The following ROBO2 variants were observed in gnomAD, a reference collection of about 807,000 sequenced individuals.
ROBO2 encodes roundabout guidance receptor 2.
A neutral mutation model predicts 160.8 loss-of-function variants in ROBO2; 53 were observed. That is an observed-to-expected ratio of 0.33 (90% CI 0.26 to 0.41). The LOEUF is 0.41. Among genes scored for constraint, ROBO2 ranks in the 10% least tolerant of loss-of-function variants. The pLI is 1.00. For missense variants in ROBO2, 1,577 were observed against 1,722.4 expected (o/e 0.92, Z 1.49); for synonymous variants, 664 against 611.7 (o/e 1.09, Z -1.26).
chr3:76,379,068 G>A (rs1266568605), intron 2 of ROBO2, among the ~76,000 whole-genome samples: 1 of 152,082 alleles, frequency 6.6e-6, no homozygotes, highest in Non-Finnish European at 1.5e-5. Context: ...GGAGGGTGGT[G>A]GGGACAGAAA....
intron 2 of ROBO2, among the ~76,000 whole-genome samples, chr3:77,436,637 T>G (rs1187590969): frequency 6.6e-6 from 1 of 151,802 alleles, no homozygotes; most frequent in Non-Finnish European, 1.5e-5. Flanking sequence ...TCTGAGTTGA[T>G]GTAAAAAGAA....
chr3:77,269,771 G>A (rs1048266672), intron 2 of ROBO2, among the ~76,000 whole-genome samples: 1 of 152,132 alleles, frequency 6.6e-6, no homozygotes, highest in African/African-American at 2.4e-5. Flanking sequence ...CTAATATTCT[G>A]CTTACCATGT....
rs146310346 is a variant in ROBO2 at position 77,400,007 on chromosome 3, T to C, written c.389-77407T>C. Among the ~76,000 whole-genome samples the C allele has an allele frequency of 3.1e-3, 465 of 152,126 alleles. 5 individuals are homozygous for C. The highest frequency in any genetic ancestry group is 0.01 in the African/African-American group (430 of 41,506). ...GAGGTATTTTGCTGTGAGTGGATTG[T>C]ATAGGAAAAGGGTTTGTGTGGCCAG... is the stretch of plus-strand genomic sequence containing the variant. On this transcript the variant is annotated intron_variant, in intron 2 of 25. Coordinates refer to ENST00000461745, the Ensembl canonical transcript of ROBO2.
At chr3:76,139,684 A>G (rs4274760) in intron 2 of ROBO2, among the ~76,000 whole-genome samples, 41,723 of 151,944 alleles carry the variant, frequency 0.27, 6,255 homozygotes, top group Non-Finnish European at 0.34. Context: ...AGCAGTTATA[A>G]AACCTTTAGA....
At chr3:76,256,243 AG>A (rs1304390049) in intron 2 of ROBO2, among the ~76,000 whole-genome samples, 8 of 149,290 alleles carry the variant, frequency 5.4e-5, no homozygotes, top group African/African-American at 2.0e-4. Flanking sequence ...TCAGGAAGTC[AG>A]GGATGCAGTG....
chr3:77,214,637 T>A (rs555417033), intron 2 of ROBO2, among the ~76,000 whole-genome samples: 1 of 152,222 alleles, frequency 6.6e-6, no homozygotes, highest in African/African-American at 2.4e-5. Context: ...GTTAGCTGGT[T>A]ATTTTGCTCA....
chr3:76,403,415 G>T (rs760751533), intron 2 of ROBO2, among the ~76,000 whole-genome samples: 1 of 151,462 alleles, frequency 6.6e-6, no homozygotes, highest in Non-Finnish European at 1.5e-5. Context: ...ACCAAGAGAG[G>T]CATTCATTCT....
At chr3:77,093,189 G>A (rs1559990338) in intron 1 of ROBO2, among the ~76,000 whole-genome samples, 1 of 152,132 alleles carries the variant, frequency 6.6e-6, no homozygotes, top group Non-Finnish European at 1.5e-5. Flanking sequence ...TTGTTAAAAC[G>A]CAGATTCAGA....
At chr3:77,617,992 T>G (rs1170363468) in intron 22 of ROBO2, 1 of 563,124 alleles carries the variant, frequency 1.8e-6, no homozygotes, top group East Asian at 3.1e-5. Context: ...ACTGGAGCTG[T>G]AACTGTAACT....
chr3:76,104,586 CA>C (rs2069841371), intron 2 of ROBO2, among the ~76,000 whole-genome samples: 1 of 152,176 alleles, frequency 6.6e-6, no homozygotes, highest in African/African-American at 2.4e-5. Flanking sequence ...GAATTCCAAT[CA>C]ACATCTTTCA....
rs548817933 is a variant in ROBO2, at chr3:76,147,405, A to T, written c.109+209803A>T. On this transcript the variant is annotated intron_variant, in intron 2 of 26. Transcript: ENST00000487694. ...TTATCTTATTAATTTTAATAAGTAA[A>T]GGGTGTGTGTGCATACGCATATTTT... Among the ~76,000 whole-genome samples, 5 of 151,948 alleles carry T rather than the reference A, an allele frequency of 3.3e-5. No homozygotes were observed. The South Asian group carries it at 6.2e-4, about 19-fold the overall frequency.
chr3:76,004,020 C>G (rs1018142868), intron 2 of ROBO2, among the ~76,000 whole-genome samples: 70 of 152,080 alleles, frequency 4.6e-4, no homozygotes, highest in African/African-American at 1.6e-3. Flanking sequence ...AAATATAAAT[C>G]TATCATATGA....
At chr3:77,053,673 C>T (rs2149708878) in intron 1 of ROBO2, among the ~76,000 whole-genome samples, 1 of 152,272 alleles carries the variant, frequency 6.6e-6, no homozygotes, top group Middle Eastern at 3.4e-3. Context: ...AGAACCTCCC[C>T]TCCCTGTCCC....
chr3:77,244,300 G>T (rs1580327019), intron 2 of ROBO2, among the ~76,000 whole-genome samples: 1 of 152,182 alleles, frequency 6.6e-6, no homozygotes, highest in African/African-American at 2.4e-5. Context: ...GACACATATT[G>T]TAAGATATCA....
chr3:76,398,854 T>C (rs2077642285), intron 2 of ROBO2, among the ~76,000 whole-genome samples: 1 of 151,828 alleles, frequency 6.6e-6, no homozygotes, highest in Non-Finnish European at 1.5e-5. Context: ...TTTAATATAT[T>C]GCCTAGAGGT....
intron 2 of ROBO2, among the ~76,000 whole-genome samples, chr3:77,018,825 G>A (rs376086554): frequency 6.6e-6 from 1 of 152,114 alleles, no homozygotes; most frequent in South Asian, 2.1e-4. Flanking sequence ...TATAGAGACC[G>A]AAACCAGAAT....
chr3:76,571,405 G>T (rs1291252176), intron 2 of ROBO2, among the ~76,000 whole-genome samples: 1 of 151,944 alleles, frequency 6.6e-6, no homozygotes, highest in Non-Finnish European at 1.5e-5. Context: ...AATATAGGAA[G>T]CCATAAAATA....
intron 2 of ROBO2, among the ~76,000 whole-genome samples, chr3:76,895,805 A>T (rs142235592): frequency 0.011 from 1,600 of 152,316 alleles, 11 homozygotes; most frequent in Middle Eastern, 0.071. Context: ...TCTACTTTAG[A>T]ATAAGACATT....
At position 76,323,890 on chromosome 3, in the gene ROBO2, A is replaced by G. The variant is rs147962216; in HGVS notation, c.109+386288A>G. 1.7e-3 allele frequency among the ~76,000 whole-genome samples: 265 copies of G among 152,348 alleles called. 1 individual carries two copies. Among genetic ancestry groups the G allele is most frequent in the African/African-American group, 6.1e-3 (255 of 41,578 alleles). On this transcript the variant is annotated intron_variant, in intron 2 of 26. Coordinates refer to the ROBO2 transcript ENST00000487694. Reference sequence around the variant, plus strand: ...TCACTCTACATTAAATACACACAGAATAGCACTTAACAGTGAGCATTTTGA... The same window carrying G: ...TCACTCTACATTAAATACACACAGAGTAGCACTTAACAGTGAGCATTTTGA...
Sources: allele counts gnomAD v4.1 joint callset (sites outside exome capture counted in the v4.1 genomes callset), GRCh38; gene constraint gnomAD v4.1.1; transcripts MANE v1.5; gene names NCBI Gene and HGNC (gene_info 2026-07-23, HGNC 2026-07-21).